The following PIGL variants were observed in gnomAD, a reference collection of about 807,000 sequenced individuals.
The protein encoded by PIGL is phosphatidylinositol glycan anchor biosynthesis class L.
PIGL carries 22 observed loss-of-function variants against 31.1 expected under a neutral mutation model. The ratio of observed to expected loss-of-function variants is 0.71; its 90% CI spans 0.51 to 1.01. The LOEUF (loss-of-function observed/expected upper bound fraction) is 1.01, where lower values mean the gene tolerates loss of function less well. PIGL is among the 50% of genes least tolerant of loss of function. The pLI, the probability that PIGL is intolerant of heterozygous loss-of-function variation, is 0.00. For synonymous variants in PIGL, 131 were observed against 117.4 expected (o/e 1.12, Z -0.75); for missense variants, 302 against 315.9 (o/e 0.96, Z 0.33).
intron 2 of PIGL, among the ~76,000 whole-genome samples, chr17:16,261,016 G>T (rs1359430329): frequency 6.6e-6 from 1 of 151,614 alleles, no homozygotes; most frequent in Non-Finnish European, 1.5e-5. Flanking sequence ...CTGCTCAGGA[G>T]TCTGAGGCAG....
At chr17:16,278,033 T>C (rs746106522) in intron 2 of PIGL, among the ~76,000 whole-genome samples, 4 of 151,854 alleles carry the variant, frequency 2.6e-5, no homozygotes, top group African/African-American at 9.7e-5. Flanking sequence ...ATTGAATTAG[T>C]GCATTATTGA....
At chr17:16,313,410 CAGAAGT>C in intron 3 of PIGL, 131 bp from the exon 4 acceptor site, 2 of 706,802 alleles carry the variant, frequency 2.8e-6, no homozygotes, top group Non-Finnish European at 5.2e-6. Flanking sequence ...CTGATCTGCT[CAGAAGT>C]CACTTCAGAT....
chr17:16,217,351 G>A lies in PIGL; in HGVS notation c.125G>A (p.Arg42Gln). 2.5e-6 allele frequency: 4 copies of A among 1,614,188 alleles called. No homozygotes were observed. The highest frequency in any genetic ancestry group is 8.5e-7 in the Non-Finnish European group (1 of 1,180,032). Residue 42 changes from arginine to glutamine, a missense_variant, in exon 1 of 7, where the codon CGG (arginine) becomes CAG (glutamine). By Grantham distance (43) the Arg-to-Gln change is conservative (BLOSUM62 1). Transcript: ENST00000225609. ...GGAGGACGGCTGGGAGCCGAAAGCC[G>A]GACCCTGCTGGTCATAGCGCACCCT... ...EQGGRLGAES[R>Q]TLLVIAHPDD...
chr17:16,288,616 C>T (rs1404932396), intron 2 of PIGL, among the ~76,000 whole-genome samples: 1 of 151,404 alleles, frequency 6.6e-6, no homozygotes, highest in Non-Finnish European at 1.5e-5. Context: ...CTTGGCTCAC[C>T]GCAACCTCTG....
intron 2 of PIGL, among the ~76,000 whole-genome samples, chr17:16,283,540 G>T (rs192391104): frequency 1.3e-5 from 2 of 152,286 alleles, no homozygotes; most frequent in African/African-American, 4.8e-5. Flanking sequence ...TGTTAATCTG[G>T]CCAGGTGCCG....
rs180940964 is a variant in PIGL, at chr17:16,300,171, G to A, written c.426+193G>A. The A allele has an allele frequency of 3.2e-4, 182 of 567,768 alleles. 1 individual carries two copies. Among genetic ancestry groups the A allele is most frequent in the Admixed American group, 6.5e-4 (21 of 32,474 alleles). 35.2% of individuals were successfully genotyped at this position (567,768 alleles called of 1,614,324 possible). A position where few individuals can be genotyped will look rare whatever the true frequency, so the allele number is the denominator to read the frequency against. ...CAAACACACCTTTTGATATCTTTAC[G>A]ATCTTGTGTGAGACTGAATAACTAA... is the stretch of plus-strand genomic sequence containing the variant. On this transcript the variant is annotated intron_variant, in intron 3 of 6. Coordinates refer to ENST00000225609, the MANE Select transcript of PIGL (RefSeq NM_004278.4).
At chr17:16,256,721 G>A (rs887716102) in intron 2 of PIGL, among the ~76,000 whole-genome samples, 1 of 136,832 alleles carries the variant, frequency 7.3e-6, no homozygotes, top group Non-Finnish European at 1.6e-5. Context: ...TTGTTTTTGA[G>A]ACAGGGTATC....
intron 1 of PIGL, 173 bp downstream of exon 1, chr17:16,217,634 G>GCAT: frequency 3.8e-6 from 2 of 529,956 alleles, no homozygotes; most frequent in Non-Finnish European, 3.3e-6. Flanking sequence ...GGCTTACCTG[G>GCAT]TGGGTTGGGG....
At chr17:16,252,796 T>TTA (rs1202333503) in intron 2 of PIGL, among the ~76,000 whole-genome samples, 1 of 152,182 alleles carries the variant, frequency 6.6e-6, no homozygotes, top group Non-Finnish European at 1.5e-5. Flanking sequence ...TTAAACCTTT[T>TTA]TATAAACACT....
At chr17:16,250,546 T>C (rs1464839664) in intron 2 of PIGL, among the ~76,000 whole-genome samples, 3 of 152,140 alleles carry the variant, frequency 2.0e-5, no homozygotes, top group African/African-American at 7.2e-5. Flanking sequence ...TCTTTCAGCC[T>C]CTCATCTCCT....
intron 6 of PIGL, among the ~76,000 whole-genome samples, chr17:16,318,342 C>T (rs145341831): frequency 0.017 from 2,549 of 151,490 alleles, 65 homozygotes; most frequent in African/African-American, 0.058. Flanking sequence ...GCAATCTCGG[C>T]TCACTGCAAC....
At chr17:16,236,563 A>G (rs1229521321) in intron 2 of PIGL, among the ~76,000 whole-genome samples, 1 of 151,996 alleles carries the variant, frequency 6.6e-6, no homozygotes, top group East Asian at 1.9e-4. Context: ...GTTCATTGCA[A>G]TAGTGTTATT....
intron 4 of PIGL, among the ~76,000 whole-genome samples, chr17:16,314,386 G>T (rs1001560862): frequency 6.6e-6 from 1 of 152,222 alleles, no homozygotes; most frequent in Non-Finnish European, 1.5e-5. Flanking sequence ...AGTTGGAAAT[G>T]ACCTCACCAA....
intron 2 of PIGL, among the ~76,000 whole-genome samples, chr17:16,261,118 CAA>C (rs34019457): frequency 0.057 from 6,788 of 118,838 alleles, 171 homozygotes; most frequent in African/African-American, 0.1. Context: ...GACTCTATCT[CAA>C]AAAAAAAAAA....
At chr17:16,271,854 A>G (rs1227483969) in intron 2 of PIGL, among the ~76,000 whole-genome samples, 1 of 152,190 alleles carries the variant, frequency 6.6e-6, no homozygotes, top group East Asian at 1.9e-4. Context: ...CTAAAAAATT[A>G]TTCACTTGTT....
At chr17:16,308,013 GTAAAA>G (rs1253533454) in intron 3 of PIGL, among the ~76,000 whole-genome samples, 3 of 148,280 alleles carry the variant, frequency 2.0e-5, no homozygotes, top group Non-Finnish European at 4.5e-5. Flanking sequence ...TTTTTAAAAA[GTAAAA>G]TAAAATAAAA....
intron 2 of PIGL, among the ~76,000 whole-genome samples, chr17:16,290,736 A>G (rs370725898): frequency 1.2e-4 from 18 of 151,954 alleles, no homozygotes; most frequent in African/African-American, 4.4e-4. Context: ...GTTGCAGTAC[A>G]GTGGTGCGAT....
chr17:16,228,802 C>G (rs893339439), intron 1 of PIGL, among the ~76,000 whole-genome samples: 2 of 152,212 alleles, frequency 1.3e-5, no homozygotes, highest in African/African-American at 4.8e-5. Flanking sequence ...GTTTAGCATT[C>G]CTTTTCCCCT....
chr17:16,285,228 G>T (rs763447558), intron 2 of PIGL, among the ~76,000 whole-genome samples: 12 of 152,208 alleles, frequency 7.9e-5, no homozygotes, highest in Non-Finnish European at 1.5e-4. Context: ...GAGAACACAG[G>T]TAACTGATTT....
Sources: gnomAD v4.1 joint callset for allele counts (sites outside exome capture counted in the v4.1 genomes callset) on GRCh38, gnomAD v4.1.1 for gene constraint, MANE v1.5 for transcripts, NCBI Gene and HGNC (gene_info 2026-07-23, HGNC 2026-07-21) for gene names.